DRAM1: variants seen among roughly 807,000 people sequenced by gnomAD.
DRAM1 encodes the protein DNA damage regulated autophagy modulator 1, also known as DNA damage-regulated autophagy modulator protein 1.
In DRAM1, 25 loss-of-function variants were observed where a neutral mutation model predicts 28.5. The ratio of observed to expected loss-of-function variants is 0.88; its 90% CI spans 0.64 to 1.23. DRAM1 has a LOEUF of 1.23. Among genes scored for constraint, DRAM1 ranks in the 50% most tolerant of loss-of-function variants. The pLI, the probability that DRAM1 is intolerant of heterozygous loss-of-function variation, is 0.00. For synonymous variants in DRAM1, 113 were observed against 114.2 expected (o/e 0.99, Z 0.07); for missense variants, 249 against 299.2 (o/e 0.83, Z 1.24).
chr12:101,889,957 A>T (rs1465292066), intron 1 of DRAM1: 1 of 377,180 alleles, frequency 2.7e-6, no homozygotes, highest in African/African-American at 2.2e-5. Flanking sequence ...AAAAAAAAAA[A>T]AAAAAGATGC....
intron 1 of DRAM1, among the ~76,000 whole-genome samples, chr12:101,893,771 A>AT (rs57069274): frequency 0.14 from 19,309 of 142,316 alleles, 1,938 homozygotes; most frequent in African/African-American, 0.29. Context: ...GATTAGGTCA[A>AT]TTTTTTTTTT....
chr12:101,906,854 C>CAAA (rs751751554), intron 3 of DRAM1, among the ~76,000 whole-genome samples: 10 of 67,408 alleles, frequency 1.5e-4, no homozygotes, highest in African/African-American at 2.5e-4. Context: ...GACTCTGCCT[C>CAAA]AAAAAAAAAA....
chr12:101,907,488 C>T (rs960051033), intron 3 of DRAM1, among the ~76,000 whole-genome samples: 9 of 152,022 alleles, frequency 5.9e-5, no homozygotes, highest in Non-Finnish European at 1.0e-4. Context: ...CGCCTGTAAT[C>T]CCAGCACTTT....
intron 1 of DRAM1, among the ~76,000 whole-genome samples, chr12:101,890,790 A>C (rs145031501): frequency 7.1e-6 from 1 of 140,352 alleles, no homozygotes. Context: ...TTGCTCTGTC[A>C]CCCAGGCTGG....
Position 101,907,216 on chromosome 12 carries a change from A to AAAG in DRAM1, c.343-964_343-962dup, listed in dbSNP as rs1448547454. On this transcript the variant is annotated intron_variant, in intron 3 of 6. Coordinates refer to ENST00000258534, the MANE Select transcript of DRAM1 (RefSeq NM_018370.3). ...CCCTGTCTCAAAAAAAAAAAAAAAA[A>AAAG]AAGAAGAAAAAAGAAGCTGCATTTG... is the stretch of plus-strand genomic sequence containing the variant. Among the ~76,000 whole-genome samples the AAAG allele has an allele frequency of 8.9e-3, 1,245 of 140,528 alleles. 21 individuals carry two copies. The highest frequency in any genetic ancestry group is 0.06 in the Middle Eastern group (16 of 266). 92.2% of individuals were successfully genotyped at this position (140,528 alleles called of 152,430 possible).
chr12:101,882,099 A>G (rs1872704616), intron 1 of DRAM1, among the ~76,000 whole-genome samples: 1 of 143,140 alleles, frequency 7.0e-6, no homozygotes, highest in Non-Finnish European at 1.5e-5. Context: ...AGTCATTCTG[A>G]TGGTCTAATT....
At chr12:101,882,852 T>G (rs1232862942) in intron 1 of DRAM1, among the ~76,000 whole-genome samples, 2 of 149,732 alleles carry the variant, frequency 1.3e-5, no homozygotes, top group African/African-American at 2.4e-5. Context: ...TTTTTTTTTT[T>G]TTTTGAAATT....
Position 101,901,441 on chromosome 12 carries a change from C to T in DRAM1, c.342+8C>T, listed in dbSNP as rs11111078. The T allele has an allele frequency of 0.31, 507,800 of 1,612,698 alleles. 81,111 individuals are homozygous for T. The highest frequency in any genetic ancestry group is 0.38 in the African/African-American group (28,193 of 74,878). Reference sequence around the variant, plus strand: ...ATTGTCGCCAATTTTCAGGTATAATCTGGAGCTTTTTCAGTTATGAGGAGT... The same window carrying T: ...ATTGTCGCCAATTTTCAGGTATAATTTGGAGCTTTTTCAGTTATGAGGAGT... On this transcript the variant is annotated splice_region_variant and intron_variant, in intron 3 of 6. Transcript: ENST00000258534.
At chr12:101,906,527 C>G (rs1357460234) in intron 3 of DRAM1, among the ~76,000 whole-genome samples, 2 of 152,182 alleles carry the variant, frequency 1.3e-5, no homozygotes, top group Non-Finnish European at 2.9e-5. Context: ...TCTAAATGTT[C>G]CTCGACTGGA....
At chr12:101,915,226 A>G (rs1874193823) in intron 5 of DRAM1, among the ~76,000 whole-genome samples, 1 of 149,294 alleles carries the variant, frequency 6.7e-6, no homozygotes. Context: ...TGATCTGCCC[A>G]CCTCGGCCTC....
intron 5 of DRAM1, among the ~76,000 whole-genome samples, chr12:101,915,774 A>C (rs984988350): frequency 2.0e-5 from 3 of 152,022 alleles, no homozygotes; most frequent in African/African-American, 7.2e-5. Flanking sequence ...GTTAGCCAGG[A>C]TGGTCTTGAT....
At chr12:101,914,381 C>T in intron 5 of DRAM1, 149 bp downstream of exon 5, 1 of 495,394 alleles carries the variant, frequency 2.0e-6, no homozygotes, top group African/African-American at 2.0e-5. Flanking sequence ...ACTGTCCAAT[C>T]ATTTGGCAGT....
At position 101,923,500 on chromosome 12, in the gene DRAM1, G is replaced by A. The variant is rs554640524; in HGVS notation, c.*2240G>A. ...CTTAAGAAATACTCACTGAATGCAT[G>A]AATGAATGAATGAACAAATGAAGGA... On this transcript the variant is annotated 3_prime_UTR_variant, in exon 7 of 7. Transcript: ENST00000258534. 1 of 152,328 alleles carries A rather than the reference G, an allele frequency of 6.6e-6. No homozygotes were observed. The highest frequency in any genetic ancestry group is 2.4e-5 in the African/African-American group (1 of 41,558). The allele number at this position is 152,328 out of a possible 1,614,324, so 9.4% of individuals were successfully genotyped here.
At chr12:101,885,966 C>T (rs1239546277) in intron 1 of DRAM1, among the ~76,000 whole-genome samples, 1 of 152,164 alleles carries the variant, frequency 6.6e-6, no homozygotes, top group Non-Finnish European at 1.5e-5. Context: ...ACATTGCAGG[C>T]ACTTGGTAAA....
At chr12:101,884,908 A>C (rs994199570) in intron 1 of DRAM1, among the ~76,000 whole-genome samples, 1 of 152,086 alleles carries the variant, frequency 6.6e-6, no homozygotes, top group African/African-American at 2.4e-5. Context: ...TTAAATCTTC[A>C]GATGCTGATC....
At chr12:101,885,607 A>G (rs1191325254) in intron 1 of DRAM1, among the ~76,000 whole-genome samples, 1 of 145,578 alleles carries the variant, frequency 6.9e-6, no homozygotes, top group Non-Finnish European at 1.5e-5. Context: ...AGCTCACTGC[A>G]GCCTCTGCCT....
intron 1 of DRAM1, among the ~76,000 whole-genome samples, chr12:101,891,107 G>A (rs1873112296): frequency 1.3e-5 from 2 of 152,092 alleles, no homozygotes; most frequent in African/African-American, 2.4e-5. Context: ...GTTAGCTCTC[G>A]TAACTAAAAG....
intron 1 of DRAM1, among the ~76,000 whole-genome samples, chr12:101,892,291 A>T (rs1873164570): frequency 1.3e-5 from 2 of 150,966 alleles, no homozygotes; most frequent in Admixed American, 1.3e-4. Flanking sequence ...GCTGGTATGC[A>T]GTGGTGCGAT....
In DRAM1 at chr12:101,923,469, T is replaced by C. The variant is rs1485655896; in HGVS notation, c.*2209T>C. ...GAACAGAGTGCCTCCTGGTACACTG[T>C]AGGAGCTTAAGAAATACTCACTGAA... On this transcript the variant is annotated 3_prime_UTR_variant, in exon 7 of 7. Transcript: ENST00000258534. The C allele has an allele frequency of 3.3e-5, 5 of 152,192 alleles. No homozygotes were observed. Among genetic ancestry groups the C allele is most frequent in the African/African-American group, 9.7e-5 (4 of 41,446 alleles). The allele number at this position is 152,192 out of a possible 1,614,324, so 9.4% of individuals were successfully genotyped here.
Sources: allele counts gnomAD v4.1 joint callset (sites outside exome capture counted in the v4.1 genomes callset), GRCh38; gene constraint gnomAD v4.1.1; transcripts MANE v1.5; gene names NCBI Gene and HGNC (gene_info 2026-07-23, HGNC 2026-07-21).